ZNF471: variants seen among roughly 807,000 people sequenced by gnomAD.
ZNF471 encodes the protein EZFIT-related protein 1.
In ZNF471, 7 loss-of-function variants were observed where a neutral mutation model predicts 13.7. That is an observed-to-expected ratio of 0.51 (90% CI 0.29 to 0.96). ZNF471 has a LOEUF of 0.96. Ranked by LOEUF, ZNF471 falls within the 40% of genes least tolerant of loss-of-function variation. The pLI, the probability that ZNF471 is intolerant of heterozygous loss-of-function variation, is 0.08. For synonymous variants in ZNF471, 218 were observed against 235.6 expected (o/e 0.93, Z 0.68); for missense variants, 663 against 743.3 (o/e 0.89, Z 1.26).
At chr19:56,512,426 T>C (rs184213648) in intron 2 of ZNF471, among the ~76,000 whole-genome samples, 215 of 152,074 alleles carry the variant, frequency 1.4e-3, no homozygotes, top group African/African-American at 4.9e-3. Flanking sequence ...AGGGCTGAAA[T>C]TACATTAACT....
At chr19:56,521,244 G>A (rs1204512849) in intron 4 of ZNF471, among the ~76,000 whole-genome samples, 2 of 152,184 alleles carry the variant, frequency 1.3e-5, no homozygotes, top group Non-Finnish European at 2.9e-5. Flanking sequence ...ATGTGGTACA[G>A]TCATGGGCCA....
rs1483568314 is a variant in ZNF471 at position 56,527,802 on chromosome 19, G to A, written c.*1854G>A. ...GACAAGATGCACACCTTGCTCATTA[G>A]TGAGTTCATTTCAGGCAGCCAGCTC... On this transcript the variant is annotated 3_prime_UTR_variant, in exon 5 of 5. Coordinates refer to ENST00000308031, the MANE Select transcript of ZNF471 (RefSeq NM_020813.4). 6.6e-6 allele frequency: 1 copy of A among 152,164 alleles called. No individual in the cohort carries two copies. The allele number at this position is 152,164 out of a possible 1,614,324, so 9.4% of individuals were successfully genotyped here. A position where few individuals can be genotyped will look rare whatever the true frequency, so the allele number is the denominator to read the frequency against.
rs1305051328 is a variant in ZNF471, at chr19:56,528,840, T to G, written c.*2892T>G. 2 of 152,212 alleles carry G rather than the reference T, an allele frequency of 1.3e-5. No individual in the cohort carries two copies. The highest frequency in any genetic ancestry group is 2.9e-5 in the Non-Finnish European group (2 of 68,042). The allele number at this position is 152,212 out of a possible 1,614,324, so 9.4% of individuals were successfully genotyped here. On this transcript the variant is annotated 3_prime_UTR_variant, in exon 5 of 5. Transcript: ENST00000308031. ...AGAGAAATTGAATAATATAGTTCTA[T>G]TTCAACATGTGGGTTCACAGATTTA...
rs920251126 is a variant in ZNF471, at chr19:56,508,301, G to A, written c.-56+381G>A. On this transcript the variant is annotated intron_variant, in intron 1 of 4. Transcript: ENST00000308031. The surrounding 1 kb of genome is among the most constrained non-coding windows in gnomAD (Gnocchi z 4.7). ...GACCAGGGTATGTTCGTGTGTGACA[G>A]AGCGAGACGGGCCAGTGTGAGAGAC... Among the ~76,000 whole-genome samples the A allele has an allele frequency of 3.3e-5, 5 of 152,076 alleles. No homozygotes were observed. Among genetic ancestry groups the A allele is most frequent in the African/African-American group, 1.2e-4 (5 of 41,400 alleles).
chr19:56,523,378 AAAG>A (rs2147926443), intron 4 of ZNF471, among the ~76,000 whole-genome samples: 1 of 151,790 alleles, frequency 6.6e-6, no homozygotes, highest in East Asian at 1.9e-4. Context: ...TTTTTTATAA[AAAG>A]GTGGTCTAAG....
chr19:56,510,825 C>T lies in ZNF471; in HGVS notation c.-55-692C>T. On this transcript the variant is annotated intron_variant, in intron 1 of 4. Transcript: ENST00000308031. This position sits in a 1 kb window ranked among gnomAD's most constrained non-coding sequence, Gnocchi z 4.3. Reference sequence around the variant, plus strand: ...ATTCCTGTCCCCAGTCCAAGGGTTTCAGTAAGAAGCAAAGCTGGGGTGACT... The same window carrying T: ...ATTCCTGTCCCCAGTCCAAGGGTTTTAGTAAGAAGCAAAGCTGGGGTGACT... The T allele has an allele frequency of 1.0e-6, 1 of 985,394 alleles. No homozygotes were observed. The highest frequency in any genetic ancestry group is 4.7e-5 in the South Asian group (1 of 21,286). The allele number at this position is 985,394 out of a possible 1,614,324, so 61.0% of individuals were successfully genotyped here.
chr19:56,517,587 G>A (rs1397376310), intron 3 of ZNF471, among the ~76,000 whole-genome samples: 1 of 152,030 alleles, frequency 6.6e-6, no homozygotes, highest in African/African-American at 2.4e-5. Flanking sequence ...TTACAGGTGT[G>A]AGCTACTGTG....
Position 56,528,445 on chromosome 19 carries a change from C to CT in ZNF471, c.*2500dup, listed in dbSNP as rs1382912927. On this transcript the variant is annotated 3_prime_UTR_variant, in exon 5 of 5. Coordinates refer to ENST00000308031, the MANE Select transcript of ZNF471 (RefSeq NM_020813.4). ...CTAAAAAAAAAGTTTTAAATGGTGTCTTTCTATGTTGCCCAGGGTGGTCTC... is the reference window on the plus strand; with the variant it reads ...CTAAAAAAAAAGTTTTAAATGGTGTCTTTTCTATGTTGCCCAGGGTGGTCTC... 1 of 152,040 alleles carries CT rather than the reference C, an allele frequency of 6.6e-6. No homozygotes were observed. The highest frequency in any genetic ancestry group is 1.5e-5 in the Non-Finnish European group (1 of 68,004). 9.4% of individuals were successfully genotyped at this position (152,040 alleles called of 1,614,324 possible). A position where few individuals can be genotyped will look rare whatever the true frequency, so the allele number is the denominator to read the frequency against.
intron 4 of ZNF471, among the ~76,000 whole-genome samples, chr19:56,519,809 T>C (rs1031339425): frequency 6.6e-6 from 1 of 152,186 alleles, no homozygotes; most frequent in Non-Finnish European, 1.5e-5. Context: ...AGTAAACAAT[T>C]TATATGTTTT....
At position 56,525,390 on chromosome 19, in the gene ZNF471, C is replaced by A; in HGVS notation, c.1323C>A (p.Ser441Arg). Residue 441 changes from serine to arginine, a missense_variant, in exon 5 of 5, where the codon AGC becomes AGA. Ser to Arg is a moderately radical substitution (Grantham distance 110). Transcript: ENST00000308031. ...GTGATATATGTGGGAAAGATTTTAGCCATCATGCATCACTCACTCAGCATC... is the reference window on the plus strand; with the variant it reads ...GTGATATATGTGGGAAAGATTTTAGACATCATGCATCACTCACTCAGCATC... ...YECDICGKDF[S>R]HHASLTQHQR... The A allele has an allele frequency of 6.2e-7, 1 of 1,613,880 alleles. No individual in the cohort carries two copies. Among genetic ancestry groups the A allele is most frequent in the Non-Finnish European group, 8.5e-7 (1 of 1,179,946 alleles).
chr19:56,520,687 C>G (rs1428039994), intron 4 of ZNF471, among the ~76,000 whole-genome samples: 1 of 152,144 alleles, frequency 6.6e-6, no homozygotes, highest in Non-Finnish European at 1.5e-5. Flanking sequence ...GCTTCCTTGC[C>G]CCTTCCACTG....
chr19:56,529,813 G>A lies in ZNF471; in HGVS notation c.*3865G>A, dbSNP rs1171907370. On this transcript the variant is annotated 3_prime_UTR_variant, in exon 5 of 5. Coordinates refer to ENST00000308031, the MANE Select transcript of ZNF471 (RefSeq NM_020813.4). ...TGGATAATATCCAGTATTGTCGCAG[G>A]TGTGAGAAACCGTATTTTCAAATAT... The A allele has an allele frequency of 6.6e-6, 1 of 152,180 alleles. No homozygotes were observed. The highest frequency in any genetic ancestry group is 1.5e-5 in the Non-Finnish European group (1 of 68,040). The allele number at this position is 152,180 out of a possible 1,614,324, so 9.4% of individuals were successfully genotyped here. A position where few individuals can be genotyped will look rare whatever the true frequency, so the allele number is the denominator to read the frequency against.
rs201759758 is a variant in ZNF471 at position 56,516,250 on chromosome 19, G to A, written c.34-25G>A. On this transcript the variant is annotated intron_variant, in intron 2 of 4. Transcript: ENST00000308031. This position sits in a 1 kb window ranked among gnomAD's most constrained non-coding sequence, Gnocchi z 4.4. ...TATCTTTGGACACGAGCATTGGTTGGTTAAGAATATATTTGTCACTTCAGG... is the reference window on the plus strand; with the variant it reads ...TATCTTTGGACACGAGCATTGGTTGATTAAGAATATATTTGTCACTTCAGG... The A allele has an allele frequency of 1.7e-4, 280 of 1,610,256 alleles. No homozygotes were observed. The highest frequency in any genetic ancestry group is 2.3e-5 in the Non-Finnish European group (27 of 1,177,794).
intron 2 of ZNF471, among the ~76,000 whole-genome samples, chr19:56,514,859 A>T (rs975343064): frequency 6.6e-6 from 1 of 152,220 alleles, no homozygotes; most frequent in African/African-American, 2.4e-5. Context: ...GGGCAAACAT[A>T]AATCATTTGA....
chr19:56,513,294 C>A (rs1458918962), intron 2 of ZNF471, among the ~76,000 whole-genome samples: 1 of 152,196 alleles, frequency 6.6e-6, no homozygotes. Context: ...AACCCCACCA[C>A]CTGAAATGCA....
chr19:56,512,079 T>C (rs2043819712), intron 2 of ZNF471, among the ~76,000 whole-genome samples: 1 of 151,996 alleles, frequency 6.6e-6, no homozygotes, highest in South Asian at 2.1e-4. Flanking sequence ...ACCTCATTCG[T>C]TCACCTGAAA....
rs1459413286 is a variant in ZNF471 at position 56,516,597 on chromosome 19, T to G, written c.160+196T>G. ...TGGAGAATATCAAATATTCCATGCA[T>G]ACACCCTTAAGGCAATTGGGAACAC... On this transcript the variant is annotated intron_variant, in intron 3 of 4. Coordinates refer to ENST00000308031, the MANE Select transcript of ZNF471 (RefSeq NM_020813.4). The surrounding 1 kb of genome is among the most constrained non-coding windows in gnomAD (Gnocchi z 4.4). 2.6e-5 allele frequency among the ~76,000 whole-genome samples: 4 copies of G among 152,174 alleles called. No homozygotes were observed. Among genetic ancestry groups the G allele is most frequent in the Non-Finnish European group, 5.9e-5 (4 of 68,024 alleles).
In ZNF471 at chr19:56,526,236, C is replaced by CA; in HGVS notation, c.*288_*289insA. 6.4e-6 allele frequency: 2 copies of CA among 312,076 alleles called. No homozygotes were observed. Among genetic ancestry groups the CA allele is most frequent in the South Asian group, 1.5e-4 (2 of 13,020 alleles). The allele number at this position is 312,076 out of a possible 1,614,324, so 19.3% of individuals were successfully genotyped here. On this transcript the variant is annotated 3_prime_UTR_variant, in exon 5 of 5. Coordinates refer to ENST00000308031, the MANE Select transcript of ZNF471 (RefSeq NM_020813.4). ...GAGGGTGAGCTGAAGCAGGGTGGGG[C>CA]GTAACCTCACCTGGGAAGTGCAAGG...
Position 56,508,408 on chromosome 19 carries a change from GGTGT to G in ZNF471, c.-56+491_-56+494del, listed in dbSNP as rs144163941. On this transcript the variant is annotated intron_variant, in intron 1 of 4. Transcript: ENST00000308031. This position sits in a 1 kb window ranked among gnomAD's most constrained non-coding sequence, Gnocchi z 4.7. ...TCAGTGAGAGGTTGCGAGGTGTGTG[GGTGT>G]GTAAGTGTGTAACAGACCAGGTGTC... Among the ~76,000 whole-genome samples, 3,123 of 151,758 alleles carry G rather than the reference GGTGT, an allele frequency of 0.021. 54 individuals are homozygous for G. The highest frequency in any genetic ancestry group is 0.11 in the East Asian group (550 of 5,122).
Sources: gnomAD v4.1 joint callset for allele counts (sites outside exome capture counted in the v4.1 genomes callset) on GRCh38, gnomAD v4.1.1 for gene constraint, Gnocchi (gnomAD v3.1) non-coding constraint, MANE v1.5 for transcripts, NCBI Gene and HGNC (gene_info 2026-07-23, HGNC 2026-07-21) for gene names.